POLK: variants seen among roughly 807,000 people sequenced by gnomAD.
POLK encodes the protein DNA polymerase kappa, also known as polymerase (DNA directed) kappa.
A neutral mutation model predicts 94.0 loss-of-function variants in POLK; 76 were observed. That is an observed-to-expected ratio of 0.81 (90% confidence interval 0.67 to 0.98). POLK has a LOEUF of 0.98. Ranked by LOEUF, POLK falls within the 50% of genes least tolerant of loss-of-function variation. The probability of loss-of-function intolerance (pLI) is 0.00; values close to 1 mark genes in which losing one functional copy is unlikely to be tolerated. For missense variants in POLK, 954 were observed against 1,010.1 expected (o/e 0.94, Z 0.75); for synonymous variants, 349 against 325.4 (o/e 1.07, Z -0.78).
chr5:75,513,780 A>G (rs973815486), intron 1 of POLK, among the ~76,000 whole-genome samples: 2 of 152,172 alleles, frequency 1.3e-5, no homozygotes, highest in Non-Finnish European at 2.9e-5. Flanking sequence ...CGGTACACCA[A>G]TGAACAGTAT....
intron 1 of POLK, among the ~76,000 whole-genome samples, chr5:75,536,096 T>C (rs1769430927): frequency 6.6e-6 from 1 of 152,180 alleles, no homozygotes; most frequent in Admixed American, 6.5e-5. Flanking sequence ...GTTTTTGATG[T>C]TGCTGTCCTT....
At chr5:75,555,317 C>G (rs964038019) in intron 3 of POLK, among the ~76,000 whole-genome samples, 2 of 151,396 alleles carry the variant, frequency 1.3e-5, no homozygotes, top group Admixed American at 6.6e-5. Flanking sequence ...CCCTCCCTCC[C>G]CCACTAACCC....
chr5:75,596,993 A>G (rs775276619), exon 13 of POLK: 2 of 1,613,836 alleles, frequency 1.2e-6, no homozygotes, highest in Non-Finnish European at 1.7e-6. Flanking sequence ...CGCCAGCCTT[A>G]CTTATGTGAA....
intron 1 of POLK, among the ~76,000 whole-genome samples, chr5:75,524,776 C>T (rs1472081065): frequency 6.6e-6 from 1 of 152,126 alleles, no homozygotes; most frequent in African/African-American, 2.4e-5. Context: ...ACTAATGTTC[C>T]AGTACAAAAC....
intron 1 of POLK, among the ~76,000 whole-genome samples, chr5:75,529,531 C>A (rs775981675): frequency 1.7e-4 from 26 of 152,060 alleles, no homozygotes; most frequent in African/African-American, 5.8e-4. Flanking sequence ...TATACTGTTA[C>A]ATAGTATATG....
chr5:75,593,373 G>A lies in POLK; in HGVS notation c.1357-505G>A, dbSNP rs139205069. Among the ~76,000 whole-genome samples, 337 of 152,074 alleles carry A rather than the reference G, an allele frequency of 2.2e-3. 1 individual carries two copies. In the East Asian group the frequency reaches 0.028, roughly 12 times the overall value. ...TCTTGAACTCCTGACCTCGTGATCC[G>A]CCCGCCCAAAATGCTGGGATTACAG... On this transcript the variant is annotated intron_variant, in intron 11 of 14. Transcript: ENST00000241436.
At position 75,582,105 on chromosome 5, in the gene POLK, G is replaced by C. The variant is rs542893804; in HGVS notation, c.934+657G>C. ...CTGTCCAAGATTACATTGCAGGAGAGAACCCAGACGGCCACAAGGTAAGAG... is the reference window on the plus strand; with the variant it reads ...CTGTCCAAGATTACATTGCAGGAGACAACCCAGACGGCCACAAGGTAAGAG... On this transcript the variant is annotated intron_variant, in intron 7 of 14. Coordinates refer to ENST00000241436, the Ensembl canonical transcript of POLK. The C allele has an allele frequency of 3.6e-5, 36 of 986,874 alleles. No homozygotes were observed. The East Asian group carries it at 2.8e-3, about 78-fold the overall frequency. The allele number at this position is 986,874 out of a possible 1,614,324, so 61.1% of individuals were successfully genotyped here.
intron 1 of POLK, among the ~76,000 whole-genome samples, chr5:75,533,354 T>C (rs2112579895): frequency 6.6e-6 from 1 of 152,336 alleles, no homozygotes; most frequent in African/African-American, 2.4e-5. Flanking sequence ...TCTTTCTCCA[T>C]TGCGTGTTTT....
intron 1 of POLK, among the ~76,000 whole-genome samples, chr5:75,537,569 T>C (rs950592387): frequency 5.3e-5 from 8 of 152,236 alleles, no homozygotes; most frequent in African/African-American, 1.7e-4. Flanking sequence ...GCGCATGAGC[T>C]GCTTCTAGTC....
At chr5:75,605,262 T>C (rs145050660), downstream of POLK, among the ~76,000 whole-genome samples, 3 of 152,322 alleles carry the variant, frequency 2.0e-5, no homozygotes, top group African/African-American at 4.8e-5. Flanking sequence ...ATCAGTTGTC[T>C]AATATCTGGC....
intron 3 of POLK, among the ~76,000 whole-genome samples, chr5:75,559,661 C>A (rs1396506941): frequency 6.6e-6 from 1 of 151,014 alleles, no homozygotes; most frequent in East Asian, 1.9e-4. Flanking sequence ...CTCAGCCTCC[C>A]AAGTAGTGGG....
chr5:75,590,160 G>A (rs1772703160), intron 10 of POLK, among the ~76,000 whole-genome samples, 184 bp from the exon 11 acceptor site: 1 of 151,966 alleles, frequency 6.6e-6, no homozygotes, highest in Admixed American at 6.6e-5. Flanking sequence ...TGTTTAGGTG[G>A]GTTTCCATTA....
chr5:75,591,382 T>C (rs1355999456), intron 11 of POLK, among the ~76,000 whole-genome samples: 1 of 152,164 alleles, frequency 6.6e-6, no homozygotes, highest in East Asian at 1.9e-4. Context: ...TTCTCTATCA[T>C]ACCTTGAATT....
chr5:75,601,920 C>T (rs142291462), downstream of POLK, among the ~76,000 whole-genome samples: 1 of 152,286 alleles, frequency 6.6e-6, no homozygotes, highest in Non-Finnish European at 1.5e-5. Context: ...AATACACCAC[C>T]AAACAAGTCA....
Position 75,511,884 on chromosome 5 carries a change from G to T in POLK, c.-44G>T. The T allele has an allele frequency of 2.0e-6, 3 of 1,479,874 alleles. No homozygotes were observed. The highest frequency in any genetic ancestry group is 2.7e-6 in the Non-Finnish European group (3 of 1,092,500). The allele number at this position is 1,479,874 out of a possible 1,614,324, so 91.7% of individuals were successfully genotyped here. ...TGGTCCGTCGCTCGCGCAGCCTCCT[G>T]GGAGTTGTAGTCGCGATCCTGAGGT... On this transcript the variant is annotated 5_prime_UTR_variant, in exon 1 of 15. Coordinates refer to ENST00000241436, the Ensembl canonical transcript of POLK.
chr5:75,532,319 A>G (rs116217533), intron 1 of POLK, among the ~76,000 whole-genome samples: 2,169 of 152,252 alleles, frequency 0.014, 42 homozygotes, highest in African/African-American at 0.048. Context: ...CTTATAAATG[A>G]GAACATGCAG....
At chr5:75,547,150 C>G in exon 2 of POLK, 2 of 1,532,002 alleles carry the variant, frequency 1.3e-6, no homozygotes, top group Non-Finnish European at 1.8e-6. Context: ...ATAATGGAAG[C>G]CACGAAGGTA....
rs190015752 is a variant in POLK at position 75,571,068 on chromosome 5, T to C, written c.408+1576T>C. On this transcript the variant is annotated intron_variant, in intron 4 of 14. Transcript: ENST00000241436. The stretch of plus-strand genomic sequence containing the variant: ...AAACTTGCTGTAGCCATGTTAAAGC[T>C]AAACCAACTGCTTTTGAAATCTACA... 3.3e-5 allele frequency among the ~76,000 whole-genome samples: 5 copies of C among 152,328 alleles called. No homozygotes were observed. In the East Asian group the frequency reaches 7.7e-4, roughly 23 times the overall value.
chr5:75,511,880 T>A lies in POLK; in HGVS notation c.-48T>A, dbSNP rs1282925292. 7 of 1,493,972 alleles carry A rather than the reference T, an allele frequency of 4.7e-6. No individual in the cohort carries two copies. The highest frequency in any genetic ancestry group is 5.0e-5 in the East Asian group (2 of 39,928). The allele number at this position is 1,493,972 out of a possible 1,614,324, so 92.5% of individuals were successfully genotyped here. The stretch of plus-strand genomic sequence containing the variant: ...GCGTTGGTCCGTCGCTCGCGCAGCC[T>A]CCTGGGAGTTGTAGTCGCGATCCTG... On this transcript the variant is annotated 5_prime_UTR_variant, in exon 1 of 15. Transcript: ENST00000241436.
Sources: allele counts gnomAD v4.1 joint callset (sites outside exome capture counted in the v4.1 genomes callset), GRCh38; gene constraint gnomAD v4.1.1; transcripts MANE v1.5; gene names NCBI Gene and HGNC (gene_info 2026-07-23, HGNC 2026-07-21).